The following MBD5 variants were observed in gnomAD, a reference collection of about 807,000 sequenced individuals.
The protein encoded by MBD5 is methyl-CpG-binding domain protein 5.
A neutral mutation model predicts 117.3 loss-of-function variants in MBD5; 13 were observed. That is an observed-to-expected ratio of 0.11 (90% CI 0.07 to 0.18). MBD5 has a LOEUF of 0.18. Ranked by LOEUF, MBD5 falls within the 10% of genes least tolerant of loss-of-function variation. MBD5 has a pLI of 1.00. For missense variants in MBD5, 1,879 were observed against 2,093.8 expected (o/e 0.90, Z 2.00); for synonymous variants, 727 against 766.4 (o/e 0.95, Z 0.85).
chr2:148,361,779 C>T (rs1387139000), intron 4 of MBD5, among the ~76,000 whole-genome samples: 3 of 152,186 alleles, frequency 2.0e-5, no homozygotes, highest in Non-Finnish European at 4.4e-5. Flanking sequence ...GCGAGATCAA[C>T]GCAGAAGGCG....
intron 1 of MBD5, among the ~76,000 whole-genome samples, chr2:148,030,413 AAAT>A (rs779756414): frequency 1.3e-5 from 2 of 152,326 alleles, no homozygotes; most frequent in Non-Finnish European, 2.9e-5. Context: ...GCACATCACA[AAAT>A]AATATGCACA....
intron 3 of MBD5, among the ~76,000 whole-genome samples, chr2:148,305,784 G>A (rs549802127): frequency 5.3e-5 from 8 of 152,250 alleles, no homozygotes; most frequent in African/African-American, 1.9e-4. Context: ...ATGTTAGTTT[G>A]GACAGTTGTA....
chr2:148,080,917 C>T (rs1186711663), intron 1 of MBD5, among the ~76,000 whole-genome samples: 1 of 152,022 alleles, frequency 6.6e-6, no homozygotes, highest in Non-Finnish European at 1.5e-5. Flanking sequence ...TATGGTTGTA[C>T]TTTTATGATG....
intron 1 of MBD5, among the ~76,000 whole-genome samples, chr2:148,145,165 T>A (rs1282594797): frequency 2.0e-5 from 3 of 152,320 alleles, no homozygotes; most frequent in East Asian, 1.9e-4. Context: ...GTCCTTCACA[T>A]CCCTTGTAGG....
chr2:148,171,385 A>G (rs1411907433), intron 1 of MBD5, among the ~76,000 whole-genome samples: 1 of 152,224 alleles, frequency 6.6e-6, no homozygotes, highest in Non-Finnish European at 1.5e-5. Flanking sequence ...ACGTATGATC[A>G]TCTGATACGG....
At chr2:148,067,643 G>C (rs917300413) in intron 1 of MBD5, among the ~76,000 whole-genome samples, 1 of 152,186 alleles carries the variant, frequency 6.6e-6, no homozygotes, top group East Asian at 1.9e-4. Flanking sequence ...GTTGTTCAGA[G>C]TTACAAGAAA....
chr2:148,483,929 C>T lies in MBD5; in HGVS notation c.3338C>T (p.Ser1113Phe). 1 of 1,550,550 alleles carries T rather than the reference C, an allele frequency of 6.4e-7. No homozygotes were observed. The highest frequency in any genetic ancestry group is 8.7e-7 in the Non-Finnish European group (1 of 1,146,952). Residue 1113 changes from serine to phenylalanine, a missense_variant, in exon 9 of 14, where the codon TCC (serine) becomes TTC (phenylalanine). This residue lies in a region of MBD5 where 1,666 missense variants were observed against 1,792.2 expected (regional missense o/e 0.93). Transcript: ENST00000642680. ...NHPEVSIATSSQATTTTTTTS... is the reference protein window; with the variant it reads ...NHPEVSIATSFQATTTTTTTS... ...CCAGAGGTTTCCATAGCAACCTCCT[C>T]CCAGGCAACCACTACCACAACCACT...
rs200338307 is a variant in MBD5 at position 148,448,925 on chromosome 2, G to GT, written c.-556-9270dup. On this transcript the variant is annotated intron_variant, in intron 4 of 13. Transcript: ENST00000642680. The stretch of plus-strand genomic sequence containing the variant: ...AAATTGGTTATGTAAATGCAGCCAA[G>GT]TTTTTTTTAATCAGTATTCTTTATG... 9.1e-3 allele frequency among the ~76,000 whole-genome samples: 1,382 copies of GT among 151,934 alleles called. 27 individuals are homozygous for GT. Among genetic ancestry groups the GT allele is most frequent in the African/African-American group, 0.032 (1,317 of 41,450 alleles).
intron 4 of MBD5, among the ~76,000 whole-genome samples, chr2:148,402,074 G>A (rs1419716086): frequency 2.0e-5 from 3 of 152,004 alleles, no homozygotes; most frequent in Non-Finnish European, 2.9e-5. Context: ...TATTATTGAT[G>A]AGACTAACCT....
At chr2:148,033,785 T>A (rs1694109237) in intron 1 of MBD5, among the ~76,000 whole-genome samples, 1 of 152,222 alleles carries the variant, frequency 6.6e-6, no homozygotes, top group African/African-American at 2.4e-5. Context: ...CTTAATTTTC[T>A]CGCATTCTCA....
At chr2:148,456,284 G>A (rs1421828285) in intron 4 of MBD5, among the ~76,000 whole-genome samples, 2 of 152,156 alleles carry the variant, frequency 1.3e-5, no homozygotes, top group East Asian at 3.9e-4. Flanking sequence ...ACTTTCTGGT[G>A]CATGTGGTCT....
intron 2 of MBD5, chr2:148,196,329 G>C (rs1023925769): frequency 6.6e-6 from 1 of 151,962 alleles, no homozygotes; most frequent in African/African-American, 2.4e-5. Flanking sequence ...GCCGTAATCT[G>C]TTATGACTAG....
intron 1 of MBD5, among the ~76,000 whole-genome samples, chr2:148,048,063 C>G (rs1694583172): frequency 6.6e-6 from 1 of 152,090 alleles, no homozygotes; most frequent in Non-Finnish European, 1.5e-5. Context: ...CCTTTGAAGT[C>G]TAAGGTGGAT....
intron 4 of MBD5, among the ~76,000 whole-genome samples, chr2:148,443,183 A>T (rs1706380220): frequency 6.6e-6 from 1 of 151,396 alleles, no homozygotes; most frequent in Admixed American, 6.6e-5. Context: ...TGCAAACAAA[A>T]CTACAGTGAG....
chr2:148,085,657 G>C (rs891281866), intron 1 of MBD5, among the ~76,000 whole-genome samples: 3 of 151,140 alleles, frequency 2.0e-5, no homozygotes, highest in Non-Finnish European at 4.4e-5. Flanking sequence ...CCGGGAGGCG[G>C]AGCTTGCAGT....
intron 2 of MBD5, among the ~76,000 whole-genome samples, chr2:148,199,164 A>C (rs1699071521): frequency 6.6e-6 from 1 of 152,166 alleles, no homozygotes; most frequent in South Asian, 2.1e-4. Context: ...TTCTTCTTCA[A>C]GTATATCTCA....
intron 1 of MBD5, among the ~76,000 whole-genome samples, chr2:148,048,513 G>T (rs938262604): frequency 1.3e-5 from 2 of 152,102 alleles, no homozygotes; most frequent in African/African-American, 4.8e-5. Context: ...TAAGAACTGA[G>T]AAAAGAAGCC....
rs1388878143 is a variant in MBD5, at chr2:148,484,087, T to C, written c.3496T>C (p.Ser1166Pro). The change falls in exon 9 of 14, where the codon TCT becomes CCT. Residue 1166 changes from serine to proline, a missense_variant. Transcript: ENST00000642680. Reference protein sequence around the residue: ...TPGPAKLNSNSVVPQLLNPLL... With the variant: ...TPGPAKLNSNPVVPQLLNPLL... ...TGGTCCAGCTAAACTCAACAGTAAC[T>C]CTGTGGTGCCACAGCTACTTAACCC... 1 of 1,542,420 alleles carries C rather than the reference T, an allele frequency of 6.5e-7. No individual in the cohort carries two copies. The highest frequency in any genetic ancestry group is 8.7e-7 in the Non-Finnish European group (1 of 1,142,956).
intron 4 of MBD5, among the ~76,000 whole-genome samples, chr2:148,363,193 A>T (rs534584858): frequency 1.3e-5 from 2 of 152,258 alleles, no homozygotes; most frequent in Non-Finnish European, 2.9e-5. Context: ...CACTCCTCCG[A>T]GCTAAAGGAG....
Sources: gnomAD v4.1 joint callset for allele counts (sites outside exome capture counted in the v4.1 genomes callset) on GRCh38, gnomAD v4.1.1 for gene constraint, gnomAD v4.1.1 regional missense constraint, MANE v1.5 for transcripts, NCBI Gene and HGNC (gene_info 2026-07-23, HGNC 2026-07-21) for gene names.